ASB3: variants seen among roughly 807,000 people sequenced by gnomAD.
The protein encoded by ASB3 is ankyrin repeat and SOCS box protein 3.
ASB3 carries 41 observed loss-of-function variants against 54.5 expected under a neutral mutation model. That is an observed-to-expected ratio of 0.75 (90% CI 0.59 to 0.98). The LOEUF (loss-of-function observed/expected upper bound fraction) is 0.98. ASB3 is among the 50% of genes least tolerant of loss of function. The pLI is 0.00. For synonymous variants in ASB3, 266 were observed against 221.2 expected (o/e 1.20, Z -1.80); for missense variants, 733 against 620.0 (o/e 1.18, Z -1.94).
rs192077903 is a variant in ASB3, at chr2:53,758,778, C to T, written c.196+6599G>A. ...GACGCTCTAGTCCTCTGGGATAATG[C>T]TCATTGGAAAATGACTAGAGGTGCT... is the stretch of plus-strand genomic sequence containing the variant. On this transcript the variant is annotated intron_variant, in intron 2 of 9. Coordinates refer to ENST00000263634, the MANE Select transcript of ASB3 (RefSeq NM_016115.5). Among the ~76,000 whole-genome samples, 257 of 152,280 alleles carry T rather than the reference C, an allele frequency of 1.7e-3. 1 individual carries two copies. The highest frequency in any genetic ancestry group is 5.8e-3 in the African/African-American group (243 of 41,548).
chr2:53,781,938 T>C (rs1307500014), intron 1 of ASB3, among the ~76,000 whole-genome samples: 1 of 152,226 alleles, frequency 6.6e-6, no homozygotes, highest in African/African-American at 2.4e-5. Flanking sequence ...ACAGCATTGA[T>C]TTATTCAACA....
intron 5 of ASB3, among the ~76,000 whole-genome samples, chr2:53,724,620 A>G (rs758582622): frequency 6.6e-6 from 1 of 152,006 alleles, no homozygotes; most frequent in Non-Finnish European, 1.5e-5. Context: ...AAAATTGGGC[A>G]AAAGACATGA....
intron 2 of ASB3, among the ~76,000 whole-genome samples, chr2:53,759,917 C>A (rs1558565092): frequency 1.3e-5 from 2 of 152,110 alleles, no homozygotes; most frequent in Non-Finnish European, 2.9e-5. Context: ...TATGCTTGAT[C>A]ATTGAGGGCC....
chr2:53,712,428 A>G (rs1419426733), intron 7 of ASB3, among the ~76,000 whole-genome samples: 1 of 152,180 alleles, frequency 6.6e-6, no homozygotes, highest in African/African-American at 2.4e-5. Context: ...ATTTTGTAGA[A>G]ATCAAAGGAG....
At chr2:53,710,435 TG>T (rs1430851121) in intron 7 of ASB3, among the ~76,000 whole-genome samples, 2 of 152,246 alleles carry the variant, frequency 1.3e-5, no homozygotes, top group Admixed American at 1.3e-4. Context: ...TTATAAGAGC[TG>T]CTTTCAATTA....
chr2:53,758,301 C>T (rs1264608693), intron 2 of ASB3, among the ~76,000 whole-genome samples: 1 of 152,168 alleles, frequency 6.6e-6, no homozygotes, highest in African/African-American at 2.4e-5. Context: ...ATCCATCTCT[C>T]AAATTTCATA....
Position 53,726,026 on chromosome 2 carries a change from G to T in ASB3, c.604+2686C>A, listed in dbSNP as rs184529798. On this transcript the variant is annotated intron_variant, in intron 5 of 9. Transcript: ENST00000263634. ...TTTAAAGACTACTGGTGAAAAAGTT[G>T]GAAAAATTACAGACAACTCACTGAA... Among the ~76,000 whole-genome samples, 297 of 151,778 alleles carry T rather than the reference G, an allele frequency of 2.0e-3. 1 individual carries two copies. The highest frequency in any genetic ancestry group is 7.0e-3 in the African/African-American group (288 of 41,394).
intron 5 of ASB3, among the ~76,000 whole-genome samples, chr2:53,728,052 A>T (rs1671106347): frequency 1.3e-5 from 2 of 151,886 alleles, no homozygotes; most frequent in African/African-American, 4.8e-5. Context: ...TTTTTTTTTT[A>T]ATTGCCTAGC....
At chr2:53,716,335 C>A (rs1471705354) in intron 6 of ASB3, among the ~76,000 whole-genome samples, 1 of 152,018 alleles carries the variant, frequency 6.6e-6, no homozygotes, top group Non-Finnish European at 1.5e-5. Flanking sequence ...CCGAGAAAGT[C>A]CCTGAGCCTA....
Position 53,670,668 on chromosome 2 carries a change from A to G in ASB3, c.1392T>C (p.His464=). The change falls in exon 10 of 10, where the codon CAT becomes CAC. Residue 464 remains histidine (H), a synonymous_variant. Coordinates refer to ENST00000263634, the MANE Select transcript of ASB3 (RefSeq NM_016115.5). ...TGGACCGAATTTCCAAACGACAAAG[A>G]TGGGTCAGGGATGGAACAGTGGCTG... ...QHIATVPSLT[H]LCRLEIRSSL... 8 of 1,613,964 alleles carry G rather than the reference A, an allele frequency of 5.0e-6. No individual in the cohort carries two copies. The highest frequency in any genetic ancestry group is 6.8e-6 in the Non-Finnish European group (8 of 1,179,952).
At chr2:53,701,069 G>C (rs1669466242) in intron 7 of ASB3, among the ~76,000 whole-genome samples, 1 of 152,088 alleles carries the variant, frequency 6.6e-6, no homozygotes, top group Non-Finnish European at 1.5e-5. Context: ...GAACTCCTGG[G>C]CTCCAGTGAT....
At chr2:53,757,389 C>T (rs1390205739) in intron 2 of ASB3, among the ~76,000 whole-genome samples, 5 of 152,210 alleles carry the variant, frequency 3.3e-5, no homozygotes, top group Non-Finnish European at 4.4e-5. Context: ...AGAAAGCTGT[C>T]GTCCCGAACT....
chr2:53,782,092 G>A (rs1674680604), intron 1 of ASB3, among the ~76,000 whole-genome samples: 1 of 152,116 alleles, frequency 6.6e-6, no homozygotes, highest in Admixed American at 6.6e-5. Flanking sequence ...TGGGAGGATC[G>A]CTTGAGCCCC....
chr2:53,700,785 T>TA (rs1393829058), intron 7 of ASB3, among the ~76,000 whole-genome samples: 28 of 152,196 alleles, frequency 1.8e-4, no homozygotes, highest in African/African-American at 6.8e-4. Flanking sequence ...AAATGTCATT[T>TA]TAAAAAAAAT....
chr2:53,751,728 CCTAA>C (rs1672525826), intron 2 of ASB3, among the ~76,000 whole-genome samples: 1 of 152,032 alleles, frequency 6.6e-6, no homozygotes, highest in Admixed American at 6.6e-5. Context: ...AACAAATGCT[CCTAA>C]CTAGTTATCT....
At chr2:53,722,853 G>C (rs1670784831) in intron 5 of ASB3, among the ~76,000 whole-genome samples, 1 of 152,152 alleles carries the variant, frequency 6.6e-6, no homozygotes, top group Admixed American at 6.5e-5. Context: ...AATCAGGCAA[G>C]AGAAAGAAAT....
chr2:53,774,590 A>G lies in ASB3; in HGVS notation c.-13-9005T>C, dbSNP rs1674202123. On this transcript the variant is annotated intron_variant, in intron 1 of 9. Transcript: ENST00000263634. Reference sequence around the variant, plus strand: ...TATGATTTGGAAATACGTTTACTTAAAGATCTTATTTTTAATGTAGTGAGG... The same window carrying G: ...TATGATTTGGAAATACGTTTACTTAGAGATCTTATTTTTAATGTAGTGAGG... 4.1e-6 allele frequency: 5 copies of G among 1,222,522 alleles called. No homozygotes were observed. In the South Asian group the frequency reaches 8.8e-5, roughly 21 times the overall value. 75.7% of individuals were successfully genotyped at this position (1,222,522 alleles called of 1,614,324 possible).
chr2:53,740,749 T>G (rs184923546), intron 3 of ASB3, among the ~76,000 whole-genome samples: 28 of 152,262 alleles, frequency 1.8e-4, no homozygotes, highest in Admixed American at 1.6e-3. Context: ...TCACTGACAT[T>G]TCTCATGGTT....
intron 3 of ASB3, among the ~76,000 whole-genome samples, chr2:53,745,440 C>G (rs898300305): frequency 6.6e-6 from 1 of 152,160 alleles, no homozygotes; most frequent in African/African-American, 2.4e-5. Flanking sequence ...TGAAGAGTTC[C>G]CTTTTAAAGC....
Sources: allele counts gnomAD v4.1 joint callset (sites outside exome capture counted in the v4.1 genomes callset), GRCh38; gene constraint gnomAD v4.1.1; transcripts MANE v1.5; gene names NCBI Gene and HGNC (gene_info 2026-07-23, HGNC 2026-07-21).